Variants in GRM5 observed in about 807,000 individuals in gnomAD.
GRM5 encodes the protein glutamate metabotropic receptor 5.
Under a neutral mutation model 83.1 loss-of-function variants are expected in GRM5, and 19 were observed. The observed-to-expected ratio is 0.23, with a 90% CI of 0.16 to 0.34. The LOEUF (loss-of-function observed/expected upper bound fraction) is 0.34, where lower values mean the gene tolerates loss of function less well. Among genes scored for constraint, GRM5 ranks in the 10% least tolerant of loss-of-function variants. GRM5 has a pLI of 1.00. For synonymous variants in GRM5, 675 were observed against 633.6 expected, an observed-to-expected ratio of 1.07 and a Z score of -0.98; for missense variants, 1,160 against 1,588.3, an observed-to-expected ratio of 0.73 and a Z score of 4.58.
intron 3 of GRM5, among the ~76,000 whole-genome samples, chr11:88,819,347 A>C (rs1478910162): frequency 6.6e-6 from 1 of 152,252 alleles, no homozygotes; most frequent in Non-Finnish European, 1.5e-5. Context: ...TAGATTGTGC[A>C]GTAGATATGC....
chr11:88,565,850 TTAA>T (rs1425141307), intron 8 of GRM5, among the ~76,000 whole-genome samples: 1 of 152,198 alleles, frequency 6.6e-6, no homozygotes. Flanking sequence ...AGAGTACAAG[TTAA>T]TAATGTAAAC....
At chr11:88,646,509 A>G (rs193048900) in intron 4 of GRM5, among the ~76,000 whole-genome samples, 5 of 152,160 alleles carry the variant, frequency 3.3e-5, no homozygotes, top group Admixed American at 3.3e-4. Flanking sequence ...ACAAAAATTA[A>G]CAAGGCTACA....
chr11:89,022,291 A>G (rs1444904400), intron 2 of GRM5, among the ~76,000 whole-genome samples: 1 of 152,144 alleles, frequency 6.6e-6, no homozygotes, highest in African/African-American at 2.4e-5. Flanking sequence ...TTCATCATAT[A>G]CCAACTACTT....
At chr11:88,723,850 T>C (rs562717068) in intron 3 of GRM5, among the ~76,000 whole-genome samples, 5 of 152,230 alleles carry the variant, frequency 3.3e-5, no homozygotes, top group Middle Eastern at 6.8e-3. Flanking sequence ...ATGCCCTTTT[T>C]ATTTATTTAT....
At chr11:88,953,702 T>A (rs1168914974) in intron 2 of GRM5, among the ~76,000 whole-genome samples, 1 of 151,926 alleles carries the variant, frequency 6.6e-6, no homozygotes, top group Non-Finnish European at 1.5e-5. Context: ...TGTTGGATAC[T>A]TAATTCTAAT....
intron 8 of GRM5, among the ~76,000 whole-genome samples, chr11:88,531,847 C>T (rs1347450884): frequency 6.6e-6 from 1 of 152,094 alleles, no homozygotes; most frequent in Non-Finnish European, 1.5e-5. Context: ...CTTTCTCTCT[C>T]ACACTGACAT....
At chr11:89,036,021 T>G (rs1046016143) in intron 2 of GRM5, among the ~76,000 whole-genome samples, 1 of 152,088 alleles carries the variant, frequency 6.6e-6, no homozygotes, top group African/African-American at 2.4e-5. Flanking sequence ...CCTATTTTTT[T>G]CACTATAAAA....
intron 3 of GRM5, among the ~76,000 whole-genome samples, chr11:88,708,661 A>G (rs989302715): frequency 6.6e-6 from 1 of 152,144 alleles, no homozygotes; most frequent in African/African-American, 2.4e-5. Flanking sequence ...TCAAACATTC[A>G]GGGTTTAGTA....
intron 2 of GRM5, among the ~76,000 whole-genome samples, chr11:88,863,451 G>A (rs1229321378): frequency 6.6e-6 from 1 of 152,064 alleles, no homozygotes; most frequent in Non-Finnish European, 1.5e-5. Flanking sequence ...ATGAGATCAT[G>A]TCCTTTGCAG....
chr11:89,016,049 AGAT>A (rs1940845115), intron 2 of GRM5, among the ~76,000 whole-genome samples: 1 of 152,148 alleles, frequency 6.6e-6, no homozygotes, highest in Non-Finnish European at 1.5e-5. Flanking sequence ...AGGAAAGAGA[AGAT>A]ATCAGTGATC....
At chr11:88,654,214 C>G (rs566890320) in intron 3 of GRM5, among the ~76,000 whole-genome samples, 1 of 151,898 alleles carries the variant, frequency 6.6e-6, no homozygotes, top group East Asian at 1.9e-4. Flanking sequence ...TCAGAGGGCT[C>G]ATAATATAAT....
chr11:88,897,416 CA>C (rs1945245377), intron 2 of GRM5, among the ~76,000 whole-genome samples: 2 of 151,968 alleles, frequency 1.3e-5, no homozygotes, highest in South Asian at 2.1e-4. Context: ...CTTTAATCTG[CA>C]AAAAGTCTAT....
chr11:88,604,433 T>C (rs1279170018), intron 5 of GRM5, among the ~76,000 whole-genome samples: 1 of 152,142 alleles, frequency 6.6e-6, no homozygotes, highest in African/African-American at 2.4e-5. Flanking sequence ...ACCACAGAGA[T>C]GGTTTTTATT....
At chr11:89,035,377 T>C (rs1324371899) in intron 2 of GRM5, among the ~76,000 whole-genome samples, 1 of 151,892 alleles carries the variant, frequency 6.6e-6, no homozygotes, top group African/African-American at 2.4e-5. Flanking sequence ...TAATATATTT[T>C]TCATTAACAA....
intron 2 of GRM5, among the ~76,000 whole-genome samples, chr11:88,903,912 G>T (rs777596217): frequency 4.6e-5 from 7 of 152,188 alleles, no homozygotes; most frequent in African/African-American, 7.2e-5. Context: ...AGATGTGACA[G>T]ATTTTTAGGG....
chr11:88,932,746 A>G (rs1937756584), intron 2 of GRM5, among the ~76,000 whole-genome samples: 1 of 151,874 alleles, frequency 6.6e-6, no homozygotes, highest in African/African-American at 2.4e-5. Context: ...CAAGGTTACC[A>G]ATATTTCTAT....
intron 9 of GRM5, among the ~76,000 whole-genome samples, chr11:88,510,907 G>A (rs373382542): frequency 1.3e-5 from 2 of 152,210 alleles, no homozygotes; most frequent in African/African-American, 4.8e-5. Flanking sequence ...TTTCAGTCAA[G>A]ACAGCTCTGT....
At chr11:88,698,804 A>T (rs1565191551) in intron 3 of GRM5, among the ~76,000 whole-genome samples, 1 of 152,214 alleles carries the variant, frequency 6.6e-6, no homozygotes, top group Non-Finnish European at 1.5e-5. Context: ...TACAGAGAAG[A>T]CATCCATATG....
chr11:88,692,050 T>C (rs1159056003), intron 3 of GRM5, among the ~76,000 whole-genome samples: 1 of 152,208 alleles, frequency 6.6e-6, no homozygotes, highest in Non-Finnish European at 1.5e-5. Context: ...CCAGAAACAC[T>C]GGAAGCTGCA....
Sources: allele counts gnomAD v4.1 joint callset (sites outside exome capture counted in the v4.1 genomes callset), GRCh38; gene constraint gnomAD v4.1.1; transcripts MANE v1.5; gene names NCBI Gene and HGNC (gene_info 2026-07-23, HGNC 2026-07-21).